DNAL4: variants seen among roughly 807,000 people sequenced by gnomAD.
DNAL4 encodes dynein axonemal light chain 4, also known as dynein light chain, outer arm 4.
In DNAL4, 10 loss-of-function variants were observed where a neutral mutation model predicts 12.6. That is an observed-to-expected ratio of 0.79 (90% confidence interval 0.49 to 1.34). The LOEUF (loss-of-function observed/expected upper bound fraction) is 1.34. Among genes scored for constraint, DNAL4 ranks in the 40% most tolerant of loss-of-function variants. The pLI is 0.00. For synonymous variants in DNAL4, 46 were observed against 53.1 expected, an observed-to-expected ratio of 0.87 and a Z score of 0.58; for missense variants, 128 against 138.1, an observed-to-expected ratio of 0.93 and a Z score of 0.37.
intron 1 of DNAL4, among the ~76,000 whole-genome samples, chr22:38,783,889 G>A (rs1027299968): frequency 6.6e-6 from 1 of 152,096 alleles, no homozygotes; most frequent in African/African-American, 2.4e-5. Context: ...GCCTGGACCC[G>A]AGATGACTGG....
Position 38,779,336 on chromosome 22 carries a change from A to G in DNAL4, c.*113T>C. ...TCAGGAAACTGGTACACAAAGACAAAAAGAAAAGACCCCAACTCTCCTTGG... is the reference window on the plus strand; with the variant it reads ...TCAGGAAACTGGTACACAAAGACAAGAAGAAAAGACCCCAACTCTCCTTGG... On this transcript the variant is annotated 3_prime_UTR_variant, in exon 4 of 4. Transcript: ENST00000216068. The surrounding 1 kb of genome is among the most constrained non-coding windows in gnomAD (Gnocchi z 4.3). 1.5e-6 allele frequency: 2 copies of G among 1,367,960 alleles called. No individual in the cohort carries two copies. Among genetic ancestry groups the G allele is most frequent in the Admixed American group, 2.9e-5 (1 of 34,796 alleles). 84.7% of individuals were successfully genotyped at this position (1,367,960 alleles called of 1,614,324 possible).
At chr22:38,781,099 ATGGACAGCAGGTAGCCTCCC>A in intron 2 of DNAL4, 90 bp from the exon 3 acceptor site, 1 of 1,445,384 alleles carries the variant, frequency 6.9e-7, no homozygotes. Context: ...AGCTTAAGGC[ATGGACAGCAGGTAGCCTCCC>A]TGGCCCAGCC....
chr22:38,785,145 T>C (rs2093040405), intron 1 of DNAL4, among the ~76,000 whole-genome samples: 1 of 152,222 alleles, frequency 6.6e-6, no homozygotes, highest in Admixed American at 6.5e-5. Context: ...TACTTTCTGG[T>C]CAGGTTCCTT....
intron 1 of DNAL4, among the ~76,000 whole-genome samples, chr22:38,793,093 C>T (rs1261768511): frequency 6.6e-6 from 1 of 152,132 alleles, no homozygotes; most frequent in Non-Finnish European, 1.5e-5. Context: ...AACCTTAGGG[C>T]ACCACCGTGG....
At chr22:38,792,287 C>CAT (rs2093051865) in intron 1 of DNAL4, among the ~76,000 whole-genome samples, 1 of 146,300 alleles carries the variant, frequency 6.8e-6, no homozygotes, top group East Asian at 2.0e-4. Flanking sequence ...TTCTTTTTTA[C>CAT]TTTTTTTTTT....
chr22:38,793,789 G>C (rs2093054544), intron 1 of DNAL4, among the ~76,000 whole-genome samples: 1 of 152,144 alleles, frequency 6.6e-6, no homozygotes, highest in Non-Finnish European at 1.5e-5. Context: ...CGGCTAAAGG[G>C]GGACGCGGGA....
intron 3 of DNAL4, among the ~76,000 whole-genome samples, chr22:38,780,527 G>T (rs2093032741): frequency 6.6e-6 from 1 of 152,200 alleles, no homozygotes; most frequent in African/African-American, 2.4e-5. Context: ...ATGCCTGCTG[G>T]CCGTATCCCC....
intron 1 of DNAL4, among the ~76,000 whole-genome samples, chr22:38,786,333 T>G (rs2093042161): frequency 1.3e-5 from 2 of 151,988 alleles, no homozygotes; most frequent in African/African-American, 4.8e-5. Flanking sequence ...CCGAGGTGGG[T>G]GGATCACTTG....
At chr22:38,780,898 G>A (rs758768195) in intron 3 of DNAL4, 28 bp downstream of exon 3, 6 of 1,613,592 alleles carry the variant, frequency 3.7e-6, no homozygotes, top group Non-Finnish European at 4.2e-6. Context: ...TCAAAAGCAC[G>A]AGGGGCCGCC....
intron 1 of DNAL4, among the ~76,000 whole-genome samples, chr22:38,792,430 CCGCT>C (rs2093052248): frequency 6.6e-6 from 1 of 152,102 alleles, no homozygotes. Context: ...TTACAGGTGC[CCGCT>C]ACCACGTCTG....
Position 38,779,407 on chromosome 22 carries a change from G to A in DNAL4, c.*42C>T, listed in dbSNP as rs771348681. The A allele has an allele frequency of 6.5e-7, 1 of 1,537,780 alleles. No homozygotes were observed. Among genetic ancestry groups the A allele is most frequent in the African/African-American group, 1.4e-5 (1 of 73,054 alleles). ...GGCTGCTCCCCACCCCAGATGAGTG[G>A]CAGGAAAAGGCCCTGCAGGGGACGG... On this transcript the variant is annotated 3_prime_UTR_variant, in exon 4 of 4. Transcript: ENST00000216068. This position sits in a 1 kb window ranked among gnomAD's most constrained non-coding sequence, Gnocchi z 4.3.
chr22:38,792,595 T>C (rs1418315910), intron 1 of DNAL4, among the ~76,000 whole-genome samples: 1 of 152,260 alleles, frequency 6.6e-6, no homozygotes, highest in Non-Finnish European at 1.5e-5. Flanking sequence ...TTATTTTTTA[T>C]TTTTAACATT....
intron 1 of DNAL4, among the ~76,000 whole-genome samples, chr22:38,786,329 T>C (rs2093042155): frequency 6.6e-6 from 1 of 151,978 alleles, no homozygotes; most frequent in African/African-American, 2.4e-5. Flanking sequence ...GAGGCCGAGG[T>C]GGGTGGATCA....
intron 1 of DNAL4, among the ~76,000 whole-genome samples, chr22:38,791,521 T>TTTTTGTATTTTTATA (rs754236625): frequency 6.6e-6 from 1 of 151,416 alleles, no homozygotes; most frequent in East Asian, 2.0e-4. Flanking sequence ...GCCGGGCTTA[T>TTTTTGTATTTTTATA]TTTTGTATTT....
rs2093030089 is a variant in DNAL4 at position 38,779,001 on chromosome 22, T to A, written c.*448A>T. 2 of 153,820 alleles carry A rather than the reference T, an allele frequency of 1.3e-5. No individual in the cohort carries two copies. Among genetic ancestry groups the A allele is most frequent in the African/African-American group, 4.8e-5 (2 of 41,478 alleles). The allele number at this position is 153,820 out of a possible 1,614,324, so 9.5% of individuals were successfully genotyped here. On this transcript the variant is annotated 3_prime_UTR_variant, in exon 4 of 4. Transcript: ENST00000216068. This position sits in a 1 kb window ranked among gnomAD's most constrained non-coding sequence, Gnocchi z 4.3. The stretch of plus-strand genomic sequence containing the variant: ...AAGCTGCCTGTGTCCCTTGAAAGAA[T>A]CATCTCCTTCTTGGGGCCATTTTCA...
intron 3 of DNAL4, 82 bp downstream of exon 3, chr22:38,780,844 C>A: frequency 1.4e-6 from 2 of 1,405,140 alleles, no homozygotes; most frequent in Middle Eastern, 1.8e-4. Context: ...TGTCTGGAGC[C>A]AACTGCAGGG....
In DNAL4 at chr22:38,793,138, A is replaced by G. The variant is rs946425654; in HGVS notation, c.-140+930T>C. On this transcript the variant is annotated intron_variant, in intron 1 of 3. Coordinates refer to ENST00000216068, the MANE Select transcript of DNAL4 (RefSeq NM_005740.3). Reference sequence around the variant, plus strand: ...TCTTTCTTGACCAAAACGTTGTTATATGGTACATGACTGTATTTCAATCTC... The same window carrying G: ...TCTTTCTTGACCAAAACGTTGTTATGTGGTACATGACTGTATTTCAATCTC... 7.2e-5 allele frequency among the ~76,000 whole-genome samples: 11 copies of G among 152,318 alleles called. No homozygotes were observed. In the South Asian group the frequency reaches 2.1e-3, roughly 29 times the overall value.
chr22:38,780,822 TC>T, intron 3 of DNAL4, 103 bp downstream of exon 3: 1 of 1,157,998 alleles, frequency 8.6e-7, no homozygotes, highest in Non-Finnish European at 1.3e-6. Flanking sequence ...TCTGGCCTCA[TC>T]CTAGCAGTAC....
At chr22:38,785,481 G>A (rs2146166774) in intron 1 of DNAL4, 1 of 152,254 alleles carries the variant, frequency 6.6e-6, no homozygotes, top group East Asian at 1.9e-4. Flanking sequence ...TTGTGGACAT[G>A]CCACCCTCCA....
Sources: gnomAD v4.1 joint callset for allele counts (sites outside exome capture counted in the v4.1 genomes callset) on GRCh38, gnomAD v4.1.1 for gene constraint, Gnocchi (gnomAD v3.1) non-coding constraint, MANE v1.5 for transcripts, NCBI Gene and HGNC (gene_info 2026-07-23, HGNC 2026-07-21) for gene names.